SDCBP2: variants seen among roughly 807,000 people sequenced by gnomAD.
SDCBP2 encodes the protein syndecan binding protein 2.
SDCBP2 carries 28 observed loss-of-function variants against 30.7 expected under a neutral mutation model. The ratio of observed to expected loss-of-function variants is 0.91; its 90% confidence interval spans 0.68 to 1.25. The LOEUF is 1.25. Among genes scored for constraint, SDCBP2 ranks in the 50% most tolerant of loss-of-function variants. SDCBP2 has a pLI of 0.00. For synonymous variants in SDCBP2, 166 were observed against 157.3 expected (o/e 1.06, Z -0.41); for missense variants, 399 against 379.0 (o/e 1.05, Z -0.44).
intron 1 of SDCBP2, chr20:1,322,006 A>G (rs1220635223): frequency 2.0e-5 from 3 of 152,152 alleles, no homozygotes; most frequent in Admixed American, 1.3e-4. Context: ...CCAAGTCCCA[A>G]TAGATATTTG....
chr20:1,323,802 T>C (rs1398340069), intron 1 of SDCBP2: 1 of 152,294 alleles, frequency 6.6e-6, no homozygotes, highest in East Asian at 1.9e-4. Flanking sequence ...AAGTTATATT[T>C]TATTTTTATT....
chr20:1,311,573 T>G (rs1271117932), intron 7 of SDCBP2, among the ~76,000 whole-genome samples: 3 of 152,256 alleles, frequency 2.0e-5, no homozygotes, highest in Non-Finnish European at 2.9e-5. Context: ...TATCTGGTTA[T>G]GTGTTTTCTT....
rs4814103 is a variant in SDCBP2 at position 1,311,343 on chromosome 20, T to A, written c.733-452A>T. 8.1e-4 allele frequency among the ~76,000 whole-genome samples: 123 copies of A among 152,226 alleles called. 1 individual carries two copies. Among genetic ancestry groups the A allele is most frequent in the African/African-American group, 2.7e-3 (110 of 41,496 alleles). On this transcript the variant is annotated intron_variant, in intron 7 of 8. Coordinates refer to ENST00000360779, the MANE Select transcript of SDCBP2 (RefSeq NM_080489.5). ...CATCCACCCTCTGGCTCCTGCTGCC[T>A]CCAGGGCCATAAGGATCCTCCTCCT...
chr20:1,311,179 C>T (rs1007170366), intron 7 of SDCBP2: 37 of 357,050 alleles, frequency 1.0e-4, no homozygotes, highest in East Asian at 9.4e-4. Flanking sequence ...GTGAGCCTGA[C>T]GCGTAACAGG....
At position 1,313,349 on chromosome 20, in the gene SDCBP2, C is replaced by A. The variant is rs780669009; in HGVS notation, c.375G>T (p.Lys125Asn). ...AGCCCCCGCGCCCTACCTGGTCGACCTTCCGCAGCCTCAGCCCGGTCTTGC... is the reference window on the plus strand; with the variant it reads ...AGCCCCCGCGCCCTACCTGGTCGACATTCCGCAGCCTCAGCCCGGTCTTGC... The part of the protein sequence containing the change: ...ERGKTGLRLR[K>N]VDQGLFVQLV... The change falls in exon 5 of 9, where the codon AAG (lysine) becomes AAT (asparagine). Residue 125 changes from lysine to asparagine, a missense_variant. Physicochemically the swap from Lys to Asn is moderately conservative, Grantham distance 94. Transcript: ENST00000360779. This position sits in a 1 kb window ranked among gnomAD's most constrained non-coding sequence, Gnocchi z 5.2. 5.0e-6 allele frequency: 8 copies of A among 1,611,426 alleles called. No homozygotes were observed. The Admixed American group carries it at 1.3e-4, about 27-fold the overall frequency.
intron 3 of SDCBP2, 30 bp downstream of exon 3, chr20:1,319,560 C>T: frequency 6.4e-7 from 1 of 1,553,984 alleles, no homozygotes; most frequent in East Asian, 2.4e-5. Flanking sequence ...GGACTTGGCA[C>T]CCAGGAGCCC....
chr20:1,313,239 C>G lies in SDCBP2; in HGVS notation c.384+101G>C, dbSNP rs765157189. The G allele has an allele frequency of 7.8e-7, 1 of 1,289,934 alleles. No individual in the cohort carries two copies. The highest frequency in any genetic ancestry group is 1.3e-5 in the South Asian group (1 of 76,282). 79.9% of individuals were successfully genotyped at this position (1,289,934 alleles called of 1,614,324 possible). A position where few individuals can be genotyped will look rare whatever the true frequency, so the allele number is the denominator to read the frequency against. On this transcript the variant is annotated intron_variant, in intron 5 of 8. Transcript: ENST00000360779. This position sits in a 1 kb window ranked among gnomAD's most constrained non-coding sequence, Gnocchi z 5.2. ...GGCCGCTGGGGTTAGGAGGCCCGCT[C>G]TGCACCTTCCTTACTGTGGACGGGC... is the stretch of plus-strand genomic sequence containing the variant.
rs1254298002 is a variant in SDCBP2 at position 1,324,442 on chromosome 20, G to C, written c.-19-4007C>G. ...GGACAGTCATATCCCTGTCGGGGGT[G>C]GGGGGGGCAGGGATATGAAACTCCT... On this transcript the variant is annotated intron_variant, in intron 1 of 8. Transcript: ENST00000360779. This position sits in a 1 kb window ranked among gnomAD's most constrained non-coding sequence, Gnocchi z 4.7. The C allele has an allele frequency of 6.7e-6, 1 of 148,330 alleles. No individual in the cohort carries two copies. Among genetic ancestry groups the C allele is most frequent in the African/African-American group, 2.5e-5 (1 of 40,158 alleles). The allele number at this position is 148,330 out of a possible 1,614,324, so 9.2% of individuals were successfully genotyped here.
At chr20:1,317,644 T>C (rs1318468373) in intron 4 of SDCBP2, 2 of 160,934 alleles carry the variant, frequency 1.2e-5, no homozygotes, top group African/African-American at 2.4e-5. Context: ...AGATCCTCGT[T>C]TTGGCAGTGG....
chr20:1,313,242 C>A lies in SDCBP2; in HGVS notation c.384+98G>T. 1 of 1,309,806 alleles carries A rather than the reference C, an allele frequency of 7.6e-7. No homozygotes were observed. Among genetic ancestry groups the A allele is most frequent in the Non-Finnish European group, 1.1e-6 (1 of 940,500 alleles). 81.1% of individuals were successfully genotyped at this position (1,309,806 alleles called of 1,614,324 possible). On this transcript the variant is annotated intron_variant, in intron 5 of 8. Transcript: ENST00000360779. The surrounding 1 kb of genome is among the most constrained non-coding windows in gnomAD (Gnocchi z 5.2). ...CGCTGGGGTTAGGAGGCCCGCTCTG[C>A]ACCTTCCTTACTGTGGACGGGCCCT...
chr20:1,312,444 T>C lies in SDCBP2; in HGVS notation c.625A>G (p.Lys209Glu). Residue 209 changes from lysine to glutamate, a missense_variant, in exon 7 of 9, where the codon AAG becomes GAG. By Grantham distance (56) the Lys-to-Glu change is moderately conservative. Coordinates refer to ENST00000360779, the MANE Select transcript of SDCBP2 (RefSeq NM_080489.5). Reference protein sequence around the residue: ...SMGHVGFVIKKGKIVSLVKGS... With the variant: ...SMGHVGFVIKEGKIVSLVKGS... ...TTGACCAGAGAGACAATCTTCCCCT[T>C]CTTGATCACGAAGCCGACGTGGCCC... 1 of 1,614,052 alleles carries C rather than the reference T, an allele frequency of 6.2e-7. No homozygotes were observed. The highest frequency in any genetic ancestry group is 8.5e-7 in the Non-Finnish European group (1 of 1,179,964).
At chr20:1,318,849 G>A (rs950338508) in intron 3 of SDCBP2, among the ~76,000 whole-genome samples, 1 of 152,140 alleles carries the variant, frequency 6.6e-6, no homozygotes, top group Non-Finnish European at 1.5e-5. Flanking sequence ...GTACACTGAG[G>A]AAAGGCCATG....
At chr20:1,316,634 C>G (rs1463940039) in intron 4 of SDCBP2, among the ~76,000 whole-genome samples, 1 of 152,182 alleles carries the variant, frequency 6.6e-6, no homozygotes, top group Non-Finnish European at 1.5e-5. Context: ...AAGTGATCCA[C>G]CTGTCTCAGC....
intron 3 of SDCBP2, among the ~76,000 whole-genome samples, chr20:1,319,345 G>A (rs543803268): frequency 3.6e-4 from 55 of 152,286 alleles, no homozygotes; most frequent in African/African-American, 1.3e-3. Context: ...ATAAACAGGG[G>A]TTCACCAGGC....
In SDCBP2 at chr20:1,320,665, A is replaced by G. The variant is rs903363970; in HGVS notation, c.-19-230T>C. The G allele has an allele frequency of 7.5e-6, 3 of 400,740 alleles. No homozygotes were observed. 24.8% of individuals were successfully genotyped at this position (400,740 alleles called of 1,614,324 possible). On this transcript the variant is annotated intron_variant, in intron 1 of 8. Coordinates refer to ENST00000360779, the MANE Select transcript of SDCBP2 (RefSeq NM_080489.5). The surrounding 1 kb of genome is among the most constrained non-coding windows in gnomAD (Gnocchi z 4.7). The stretch of plus-strand genomic sequence containing the variant: ...CTGTCAACTTTTAATCTTGGCCACA[A>G]TGAAGTAAGACCAGTAGGAAATTTA...
At chr20:1,317,828 A>C (rs961792490) in intron 4 of SDCBP2, 2 of 279,050 alleles carry the variant, frequency 7.2e-6, no homozygotes, top group African/African-American at 4.4e-5. Context: ...CAAGGGGCTT[A>C]GGCGGGGACT....
At chr20:1,316,043 A>G (rs1375275603) in intron 4 of SDCBP2, among the ~76,000 whole-genome samples, 1 of 152,236 alleles carries the variant, frequency 6.6e-6, no homozygotes, top group Non-Finnish European at 1.5e-5. Context: ...TGGAGGCTGC[A>G]GTGACCCGTG....
intron 4 of SDCBP2, chr20:1,317,849 G>A (rs1182104355): frequency 6.2e-6 from 2 of 322,466 alleles, no homozygotes; most frequent in Non-Finnish European, 1.2e-5. Context: ...GGTTCTACAG[G>A]TAAATATGTT....
intron 1 of SDCBP2, chr20:1,325,289 G>A (rs972962284): frequency 1.2e-4 from 18 of 152,238 alleles, no homozygotes; most frequent in African/African-American, 4.1e-4. Context: ...TACAGGTTAC[G>A]GCGGTTGCTA....
Sources: allele counts gnomAD v4.1 joint callset (sites outside exome capture counted in the v4.1 genomes callset), GRCh38; gene constraint gnomAD v4.1.1; non-coding constraint Gnocchi (gnomAD v3.1); transcripts MANE v1.5; gene names NCBI Gene and HGNC (gene_info 2026-07-23, HGNC 2026-07-21).